The following KBTBD11 variants were observed in gnomAD, a reference collection of about 807,000 sequenced individuals.
The protein encoded by KBTBD11 is kelch repeat and BTB domain containing 11.
For synonymous variants in KBTBD11, 747 were observed against 499.0 expected (o/e 1.50, Z -6.63); for missense variants, 1,390 against 1,001.8 (o/e 1.39, Z -5.23).
rs762280509 is a variant in KBTBD11, at chr8:2,004,544, G to T, written c.*1480G>T. ...AAATCAGTGGGTAATTGAAAAATAG[G>T]TTATGCTTTTTAAAGAGTCTGTGGT... On this transcript the variant is annotated 3_prime_UTR_variant, in exon 2 of 2. Transcript: ENST00000320248. The T allele has an allele frequency of 6.0e-6, 1 of 167,178 alleles. No individual in the cohort carries two copies. The allele number at this position is 167,178 out of a possible 1,614,324, so 10.4% of individuals were successfully genotyped here.
Position 2,001,681 on chromosome 8 carries a change from C to G in KBTBD11, c.489C>G (p.Asp163Glu). ...AGGCGGTGCTGGCGGCGCGCAGCGA[C>G]TACTTCCGCGCGCGCGCGTCGCGGG... ...AHKAVLAARSDYFRARASRDV... is the reference protein window; with the variant it reads ...AHKAVLAARSEYFRARASRDV... The change falls in exon 2 of 2, where the codon GAC (aspartate) becomes GAG (glutamate). Residue 163 changes from aspartate to glutamate, a missense_variant. Asp to Glu is a conservative substitution (Grantham distance 45, BLOSUM62 2). Coordinates refer to ENST00000320248, the MANE Select transcript of KBTBD11 (RefSeq NM_014867.3). The G allele has an allele frequency of 6.9e-7, 1 of 1,451,862 alleles. No individual in the cohort carries two copies. The highest frequency in any genetic ancestry group is 9.0e-7 in the Non-Finnish European group (1 of 1,106,836). The allele number at this position is 1,451,862 out of a possible 1,614,324, so 89.9% of individuals were successfully genotyped here. A position where few individuals can be genotyped will look rare whatever the true frequency, so the allele number is the denominator to read the frequency against.
intron 1 of KBTBD11, among the ~76,000 whole-genome samples, chr8:1,982,948 A>G (rs991652111): frequency 1.3e-5 from 2 of 152,110 alleles, no homozygotes. Flanking sequence ...CTGGTGTTGA[A>G]CTGCTGACCT....
chr8:1,979,986 A>G (rs1816485536), intron 1 of KBTBD11, among the ~76,000 whole-genome samples: 1 of 152,214 alleles, frequency 6.6e-6, no homozygotes, highest in Admixed American at 6.5e-5. Context: ...TGCAGTGCCC[A>G]GTCTCACTTT....
intron 1 of KBTBD11, chr8:1,975,995 C>T (rs370466137): frequency 5.9e-5 from 9 of 152,202 alleles, no homozygotes; most frequent in African/African-American, 1.7e-4. Flanking sequence ...CATCTGGGCA[C>T]ATGTTTCAGT....
chr8:1,974,230 G>C (rs1191402038), intron 1 of KBTBD11: 1 of 924,310 alleles, frequency 1.1e-6, no homozygotes, highest in Non-Finnish European at 1.3e-6. Context: ...GAGGCCGCGT[G>C]GGGGGCGTGG....
At chr8:1,977,514 A>G (rs1274935484) in intron 1 of KBTBD11, among the ~76,000 whole-genome samples, 2 of 152,062 alleles carry the variant, frequency 1.3e-5, no homozygotes, top group South Asian at 2.1e-4. Flanking sequence ...AGTCAGAACA[A>G]TGATTTTTAT....
chr8:1,979,815 C>T (rs376646766), intron 1 of KBTBD11, among the ~76,000 whole-genome samples: 5 of 152,256 alleles, frequency 3.3e-5, no homozygotes, highest in African/African-American at 1.2e-4. Flanking sequence ...GGTTGGCAGC[C>T]TCGGGACAGG....
rs550291837 is a variant in KBTBD11, at chr8:1,974,568, G to C, written c.-909+633G>C. On this transcript the variant is annotated intron_variant, in intron 1 of 1. Transcript: ENST00000320248. ...TGCGCCCGGGGTGCGGGGGTGTCCTGGCTGCTGACCCCCGCGAGCCCCGAG... is the reference window on the plus strand; with the variant it reads ...TGCGCCCGGGGTGCGGGGGTGTCCTCGCTGCTGACCCCCGCGAGCCCCGAG... 1.1e-3 allele frequency: 1,073 copies of C among 985,152 alleles called. 17 individuals carry two copies. In the African/African-American group the frequency reaches 0.018, roughly 17 times the overall value. 61.0% of individuals were successfully genotyped at this position (985,152 alleles called of 1,614,324 possible).
intron 1 of KBTBD11, chr8:1,974,306 G>T: frequency 1.0e-6 from 1 of 984,356 alleles, no homozygotes; most frequent in Non-Finnish European, 1.2e-6. Context: ...GGAAGACAAT[G>T]AGCCGCCCGC....
rs1397998990 is a variant in KBTBD11 at position 2,002,036 on chromosome 8, G to C, written c.844G>C (p.Asp282His). 17 of 1,318,364 alleles carry C rather than the reference G, an allele frequency of 1.3e-5. No individual in the cohort carries two copies. Among genetic ancestry groups the C allele is most frequent in the Non-Finnish European group, 1.7e-5 (17 of 1,022,802 alleles). The allele number at this position is 1,318,364 out of a possible 1,614,324, so 81.7% of individuals were successfully genotyped here. A position where few individuals can be genotyped will look rare whatever the true frequency, so the allele number is the denominator to read the frequency against. ...CGGCCGCCTGTCGGGCGCAGAGCGGGACCTGCTGCTGCGCCGCCGCCTGCG... is the reference window on the plus strand; with the variant it reads ...CGGCCGCCTGTCGGGCGCAGAGCGGCACCTGCTGCTGCGCCGCCGCCTGCG... ...VFGRLSGAERDLLLRRRLRAG... is the reference protein window; with the variant it reads ...VFGRLSGAERHLLLRRRLRAG... Residue 282 changes from aspartate to histidine, a missense_variant, in exon 2 of 2, where the codon GAC (aspartate) becomes CAC (histidine). By Grantham distance (81) the Asp-to-His change is moderately conservative. Transcript: ENST00000320248. This position sits in a 1 kb window ranked among gnomAD's most constrained non-coding sequence, Gnocchi z 4.1.
Position 2,003,785 on chromosome 8 carries a change from C to G in KBTBD11, c.*721C>G, listed in dbSNP as rs530473370. ...ATATTTTCAGTTGAAAGGATGTTAA[C>G]TGATGTAGCGATGATTTACCATTAT... is the stretch of plus-strand genomic sequence containing the variant. On this transcript the variant is annotated 3_prime_UTR_variant, in exon 2 of 2. Transcript: ENST00000320248. 5 of 167,116 alleles carry G rather than the reference C, an allele frequency of 3.0e-5. No homozygotes were observed. In the South Asian group the frequency reaches 8.3e-4, roughly 28 times the overall value. The allele number at this position is 167,116 out of a possible 1,614,324, so 10.4% of individuals were successfully genotyped here.
chr8:2,004,142 C>G lies in KBTBD11; in HGVS notation c.*1078C>G, dbSNP rs1817500989. On this transcript the variant is annotated 3_prime_UTR_variant, in exon 2 of 2. Coordinates refer to ENST00000320248, the MANE Select transcript of KBTBD11 (RefSeq NM_014867.3). ...AGTGACAGTGGGCATAGATTTATAA[C>G]AAGGAAGTGACGTGCTTATCACCAT... The G allele has an allele frequency of 6.0e-6, 1 of 166,960 alleles. No individual in the cohort carries two copies. The highest frequency in any genetic ancestry group is 1.5e-5 in the Non-Finnish European group (1 of 68,114). The allele number at this position is 166,960 out of a possible 1,614,324, so 10.3% of individuals were successfully genotyped here.
At chr8:1,987,832 A>T (rs1307995245) in intron 1 of KBTBD11, among the ~76,000 whole-genome samples, 2 of 151,994 alleles carry the variant, frequency 1.3e-5, no homozygotes, top group Non-Finnish European at 2.9e-5. Context: ...TGCTGCACCC[A>T]TTAACTCGTC....
At chr8:1,978,089 G>C (rs1461325108) in intron 1 of KBTBD11, among the ~76,000 whole-genome samples, 2 of 152,158 alleles carry the variant, frequency 1.3e-5, no homozygotes, top group Non-Finnish European at 1.5e-5. Flanking sequence ...TGTTGCACCT[G>C]TCAACCCATC....
chr8:1,981,098 C>A (rs1816526014), intron 1 of KBTBD11, among the ~76,000 whole-genome samples: 1 of 152,174 alleles, frequency 6.6e-6, no homozygotes, highest in Non-Finnish European at 1.5e-5. Context: ...AATTTCATAG[C>A]AGAAACCTAA....
At chr8:1,995,573 G>A (rs1240042957) in intron 1 of KBTBD11, among the ~76,000 whole-genome samples, 1 of 152,134 alleles carries the variant, frequency 6.6e-6, no homozygotes, top group African/African-American at 2.4e-5. Context: ...CGGGGCATCA[G>A]TGTCAGTGAT....
intron 1 of KBTBD11, among the ~76,000 whole-genome samples, chr8:1,997,400 T>C (rs199938187): frequency 6.9e-6 from 1 of 144,924 alleles, no homozygotes; most frequent in East Asian, 2.0e-4. Flanking sequence ...TGGGTCATTC[T>C]GGAAAAAAAA....
chr8:2,001,957 C>G lies in KBTBD11; in HGVS notation c.765C>G (p.Ala255=). The change falls in exon 2 of 2, where the codon GCC becomes GCG. Residue 255 remains alanine (A), a synonymous_variant. Coordinates refer to ENST00000320248, the MANE Select transcript of KBTBD11 (RefSeq NM_014867.3). ...GGCTGAACGAGCTGCGCGACGCCGC[C>G]TACTGCTTCATGAGCGACCACTATC... ...RQRLNELRDA[A]YCFMSDHYLE... 1 of 1,475,106 alleles carries G rather than the reference C, an allele frequency of 6.8e-7. No homozygotes were observed. The highest frequency in any genetic ancestry group is 9.0e-7 in the Non-Finnish European group (1 of 1,110,372). 91.4% of individuals were successfully genotyped at this position (1,475,106 alleles called of 1,614,324 possible).
intron 1 of KBTBD11, among the ~76,000 whole-genome samples, chr8:1,980,372 A>G (rs1270237947): frequency 6.6e-6 from 1 of 151,988 alleles, no homozygotes; most frequent in Non-Finnish European, 1.5e-5. Flanking sequence ...GATTACAAGC[A>G]TGCATCACCA....
Sources: gnomAD v4.1 joint callset for allele counts (sites outside exome capture counted in the v4.1 genomes callset) on GRCh38, gnomAD v4.1.1 for gene constraint, Gnocchi (gnomAD v3.1) non-coding constraint, MANE v1.5 for transcripts, NCBI Gene and HGNC (gene_info 2026-07-23, HGNC 2026-07-21) for gene names.